The following NEGR1 variants were observed in gnomAD, a reference collection of about 807,000 sequenced individuals.
The protein encoded by NEGR1 is IgLON family member 4.
Under a neutral mutation model 40.9 loss-of-function variants are expected in NEGR1, and 10 were observed. That is an observed-to-expected ratio of 0.24 (90% CI 0.15 to 0.42). The LOEUF (loss-of-function observed/expected upper bound fraction) is 0.42. Among genes scored for constraint, NEGR1 ranks in the 10% least tolerant of loss-of-function variants. The probability of loss-of-function intolerance (pLI) is 1.00; values close to 1 mark genes in which losing one functional copy is unlikely to be tolerated. For missense variants in NEGR1, 352 were observed against 438.9 expected, an observed-to-expected ratio of 0.80 and a Z score of 1.77; for synonymous variants, 185 against 166.8, an observed-to-expected ratio of 1.11 and a Z score of -0.84.
chr1:72,160,109 C>T (rs779861843), intron 1 of NEGR1, among the ~76,000 whole-genome samples: 8 of 152,052 alleles, frequency 5.3e-5, no homozygotes, highest in Non-Finnish European at 1.0e-4. Context: ...AAAATATAAG[C>T]TGGATATTCA....
intron 1 of NEGR1, among the ~76,000 whole-genome samples, chr1:72,180,581 A>G (rs1175889016): frequency 6.6e-6 from 1 of 152,134 alleles, no homozygotes; most frequent in Non-Finnish European, 1.5e-5. Context: ...AGGGGTTAAT[A>G]TTCAAAATTT....
intron 1 of NEGR1, among the ~76,000 whole-genome samples, chr1:72,002,464 T>C (rs1646565992): frequency 6.6e-6 from 1 of 152,096 alleles, no homozygotes; most frequent in African/African-American, 2.4e-5. Flanking sequence ...AACTCTAATA[T>C]CAACTAAGCA....
At chr1:72,221,709 AT>A (rs1356351217) in intron 1 of NEGR1, among the ~76,000 whole-genome samples, 3 of 151,978 alleles carry the variant, frequency 2.0e-5, no homozygotes, top group African/African-American at 7.2e-5. Context: ...AGTCCTATTA[AT>A]TTTTTTTACA....
intron 1 of NEGR1, among the ~76,000 whole-genome samples, chr1:72,034,142 AT>A (rs993508992): frequency 2.6e-5 from 4 of 152,102 alleles, no homozygotes; most frequent in Non-Finnish European, 2.9e-5. Flanking sequence ...AATGTGTAGA[AT>A]TTTTTTTGGT....
At chr1:72,041,093 C>T (rs927350709) in intron 1 of NEGR1, among the ~76,000 whole-genome samples, 1 of 151,974 alleles carries the variant, frequency 6.6e-6, no homozygotes, top group Admixed American at 6.6e-5. Context: ...CAAAGTACCA[C>T]TAATTCAATC....
chr1:72,086,772 T>C (rs1165011256), intron 1 of NEGR1, among the ~76,000 whole-genome samples: 4 of 152,238 alleles, frequency 2.6e-5, no homozygotes, highest in Admixed American at 2.0e-4. Flanking sequence ...AAGGTCGTGT[T>C]ATATTTATTA....
intron 6 of NEGR1, among the ~76,000 whole-genome samples, chr1:71,590,667 T>C (rs1266623181): frequency 6.6e-6 from 1 of 152,164 alleles, no homozygotes; most frequent in Admixed American, 6.6e-5. Flanking sequence ...TTACAGAATC[T>C]AGCTCTTTGG....
chr1:72,042,505 A>C (rs1646965080), intron 1 of NEGR1, among the ~76,000 whole-genome samples: 3 of 152,138 alleles, frequency 2.0e-5, no homozygotes, highest in Admixed American at 2.0e-4. Flanking sequence ...AACATCTGCC[A>C]AGCACAGAGA....
At chr1:72,230,439 A>T (rs1654326427) in intron 1 of NEGR1, among the ~76,000 whole-genome samples, 1 of 152,132 alleles carries the variant, frequency 6.6e-6, no homozygotes. Flanking sequence ...ATAAACCTGG[A>T]CAGGTTTCAA....
rs1481652284 is a variant in NEGR1 at position 71,395,974 on chromosome 1, A to C, written c.*11472T>G. 1 of 152,196 alleles carries C rather than the reference A, an allele frequency of 6.6e-6. No individual in the cohort carries two copies. 9.4% of individuals were successfully genotyped at this position (152,196 alleles called of 1,614,324 possible). On this transcript the variant is annotated 3_prime_UTR_variant, in exon 7 of 7. Transcript: ENST00000357731. ...ATAACAGCCTTTATTCATATCACTA[A>C]TTGTAATATGTACTAATTGTAAATG...
At chr1:71,562,530 G>C (rs1183897271) in intron 6 of NEGR1, among the ~76,000 whole-genome samples, 1 of 151,832 alleles carries the variant, frequency 6.6e-6, no homozygotes, top group Non-Finnish European at 1.5e-5. Context: ...CAATTAAGTG[G>C]CACTAGAATC....
intron 1 of NEGR1, among the ~76,000 whole-genome samples, chr1:72,100,078 C>A (rs1246337481): frequency 6.6e-6 from 1 of 152,008 alleles, no homozygotes; most frequent in African/African-American, 2.4e-5. Context: ...TAATTTGATT[C>A]TTTTAAGGAC....
At chr1:72,275,390 CA>C (rs1430312943) in intron 1 of NEGR1, among the ~76,000 whole-genome samples, 1 of 151,686 alleles carries the variant, frequency 6.6e-6, no homozygotes, top group African/African-American at 2.4e-5. Context: ...TAATCTGAAA[CA>C]CATAAAATAC....
intron 2 of NEGR1, among the ~76,000 whole-genome samples, chr1:71,907,692 CA>C (rs1443244397): frequency 6.6e-6 from 1 of 152,076 alleles, no homozygotes; most frequent in Non-Finnish European, 1.5e-5. Context: ...CAAAAATATG[CA>C]TGAAGTTGTA....
At chr1:71,886,820 G>A (rs1035718397) in intron 2 of NEGR1, among the ~76,000 whole-genome samples, 4 of 152,184 alleles carry the variant, frequency 2.6e-5, no homozygotes, top group Non-Finnish European at 5.9e-5. Flanking sequence ...GAGGAGAAGA[G>A]CACAGGAAAG....
chr1:71,846,822 T>C (rs1217850620), intron 2 of NEGR1, among the ~76,000 whole-genome samples: 1 of 152,120 alleles, frequency 6.6e-6, no homozygotes. Context: ...TTGTGCCTCT[T>C]TGATAAATGC....
At chr1:71,478,645 G>T (rs972705613) in intron 6 of NEGR1, among the ~76,000 whole-genome samples, 12 of 151,912 alleles carry the variant, frequency 7.9e-5, no homozygotes, top group African/African-American at 2.9e-4. Flanking sequence ...AATAGTTAAT[G>T]AACTAAATTT....
chr1:72,038,033 C>T, intron 1 of NEGR1, among the ~76,000 whole-genome samples: 1 of 152,196 alleles, frequency 6.6e-6, no homozygotes, highest in East Asian at 1.9e-4. Context: ...TTTCTAAATA[C>T]TATGGTCTCA....
chr1:72,227,314 G>A (rs1191763993), intron 1 of NEGR1, among the ~76,000 whole-genome samples: 1 of 151,830 alleles, frequency 6.6e-6, no homozygotes, highest in African/African-American at 2.4e-5. Context: ...GTATCATCCT[G>A]GCTGCTATTC....
Sources: allele counts gnomAD v4.1 joint callset (sites outside exome capture counted in the v4.1 genomes callset), GRCh38; gene constraint gnomAD v4.1.1; transcripts MANE v1.5; gene names NCBI Gene and HGNC (gene_info 2026-07-23, HGNC 2026-07-21).